LRRC3C: variants seen among roughly 807,000 people sequenced by gnomAD.
The protein encoded by LRRC3C is leucine rich repeat containing 3C.
A neutral mutation model predicts 14.8 loss-of-function variants in LRRC3C; 11 were observed. The observed-to-expected ratio is 0.74, with a 90% CI of 0.47 to 1.23. The LOEUF (loss-of-function observed/expected upper bound fraction) is 1.23, where lower values mean the gene tolerates loss of function less well. Among genes scored for constraint, LRRC3C ranks in the 50% most tolerant of loss-of-function variants. LRRC3C has a pLI of 0.00. For missense variants in LRRC3C, 354 were observed against 361.8 expected (o/e 0.98, Z 0.18); for synonymous variants, 149 against 161.5 (o/e 0.92, Z 0.59).
At position 39,944,035 on chromosome 17, in the gene LRRC3C, C is replaced by T. The variant is rs1408627220; in HGVS notation, c.129C>T (p.Pro43=). ...LLVIGTGGTV[P]SPQVPPRGCY... is the part of the protein sequence containing the mutation. ...TGATAGGCACAGGGGGTACTGTGCC[C>T]AGCCCCCAGGTGCCTCCCCGGGGCT... The change falls in exon 4 of 4, where the codon CCC becomes CCT. Residue 43 remains proline, a synonymous_variant. Coordinates refer to ENST00000377924, the MANE Select transcript of LRRC3C (RefSeq NM_001195545.2). 3.3e-6 allele frequency: 5 copies of T among 1,536,136 alleles called. No individual in the cohort carries two copies. The highest frequency in any genetic ancestry group is 3.5e-6 in the Non-Finnish European group (4 of 1,146,896).
chr17:39,936,950 C>T (rs113486856), intron 2 of LRRC3C, among the ~76,000 whole-genome samples: 7 of 151,466 alleles, frequency 4.6e-5, no homozygotes, highest in African/African-American at 1.7e-4. Flanking sequence ...GGTAAAACCC[C>T]GTCTCTATTA....
rs1300676048 is a variant in LRRC3C at position 39,944,806 on chromosome 17, C to G, written c.*72C>G. On this transcript the variant is annotated 3_prime_UTR_variant, in exon 4 of 4. Transcript: ENST00000377924. ...GCCCTCTCCTTTGCTCTGACCCCCTCTGCCTCCTGTGCAGCTTCACCCCTG... is the reference window on the plus strand; with the variant it reads ...GCCCTCTCCTTTGCTCTGACCCCCTGTGCCTCCTGTGCAGCTTCACCCCTG... The G allele has an allele frequency of 7.1e-7, 1 of 1,402,634 alleles. No individual in the cohort carries two copies. The highest frequency in any genetic ancestry group is 9.6e-7 in the Non-Finnish European group (1 of 1,036,748). The allele number at this position is 1,402,634 out of a possible 1,614,324, so 86.9% of individuals were successfully genotyped here.
chr17:39,932,227 CATG>C (rs1429096342), intron 1 of LRRC3C, among the ~76,000 whole-genome samples: 1 of 152,172 alleles, frequency 6.6e-6, no homozygotes, highest in Non-Finnish European at 1.5e-5. Flanking sequence ...TGGCGATGAT[CATG>C]ATAATACCCT....
At position 39,939,788 on chromosome 17, in the gene LRRC3C, C is replaced by T. The variant is rs1480478383; in HGVS notation, c.-81-1655C>T. On this transcript the variant is annotated intron_variant, in intron 2 of 3. Transcript: ENST00000377924. The stretch of plus-strand genomic sequence containing the variant: ...TTCCCCCCAGATCTCCCTCCTTCAC[C>T]GAGTTTGCACTCAGACTCCCTTAAT... 6.6e-5 allele frequency among the ~76,000 whole-genome samples: 10 copies of T among 152,330 alleles called. No individual in the cohort carries two copies. In the South Asian group the frequency reaches 1.9e-3, roughly 28 times the overall value.
chr17:39,941,134 G>C (rs1978926676), intron 2 of LRRC3C, among the ~76,000 whole-genome samples: 1 of 151,836 alleles, frequency 6.6e-6, no homozygotes. Context: ...TGGATCACTA[G>C]AGGTCGGGAG....
At chr17:39,943,795 C>G (rs1340732685) in intron 3 of LRRC3C, 138 bp from the exon 4 acceptor site, 1 of 746,350 alleles carries the variant, frequency 1.3e-6, no homozygotes, top group Non-Finnish European at 2.1e-6. Context: ...AAAAGTCACC[C>G]AGGCTTGAGA....
chr17:39,927,765 G>T lies in LRRC3C; in HGVS notation c.-224G>T. 1 of 985,514 alleles carries T rather than the reference G, an allele frequency of 1.0e-6. No individual in the cohort carries two copies. The highest frequency in any genetic ancestry group is 1.2e-6 in the Non-Finnish European group (1 of 829,976). 61.0% of individuals were successfully genotyped at this position (985,514 alleles called of 1,614,324 possible). ...TTCCCGGCCTCTTCGGGGACGCACG[G>T]TTGGAAGTTGTACCGTGACGTGATG... On this transcript the variant is annotated 5_prime_UTR_variant, in exon 1 of 4. Transcript: ENST00000377924.
In LRRC3C at chr17:39,927,754, G is replaced by C. The variant is rs1024928040; in HGVS notation, c.-235G>C. On this transcript the variant is annotated 5_prime_UTR_variant, in exon 1 of 4. Coordinates refer to ENST00000377924, the MANE Select transcript of LRRC3C (RefSeq NM_001195545.2). ...CCTGGGCTCCGTTCCCGGCCTCTTC[G>C]GGGACGCACGGTTGGAAGTTGTACC... 1.0e-5 allele frequency: 10 copies of C among 985,486 alleles called. No homozygotes were observed. In the African/African-American group the frequency reaches 1.4e-4, roughly 14 times the overall value. The allele number at this position is 985,486 out of a possible 1,614,324, so 61.0% of individuals were successfully genotyped here. A position where few individuals can be genotyped will look rare whatever the true frequency, so the allele number is the denominator to read the frequency against.
In LRRC3C at chr17:39,944,800, C is replaced by A. The variant is rs1195113010; in HGVS notation, c.*66C>A. The A allele has an allele frequency of 2.1e-6, 3 of 1,428,082 alleles. No individual in the cohort carries two copies. The highest frequency in any genetic ancestry group is 1.3e-5 in the South Asian group (1 of 77,504). 88.5% of individuals were successfully genotyped at this position (1,428,082 alleles called of 1,614,324 possible). ...CCCTATGCCCTCTCCTTTGCTCTGA[C>A]CCCCTCTGCCTCCTGTGCAGCTTCA... On this transcript the variant is annotated 3_prime_UTR_variant, in exon 4 of 4. Coordinates refer to ENST00000377924, the MANE Select transcript of LRRC3C (RefSeq NM_001195545.2).
intron 3 of LRRC3C, among the ~76,000 whole-genome samples, chr17:39,943,132 C>T (rs1978982197): frequency 6.6e-6 from 1 of 152,152 alleles, no homozygotes; most frequent in Admixed American, 6.5e-5. Context: ...GACACCTGGG[C>T]CCAGAGTCAC....
At chr17:39,942,598 A>G (rs1222616372) in intron 3 of LRRC3C, among the ~76,000 whole-genome samples, 1 of 152,192 alleles carries the variant, frequency 6.6e-6, no homozygotes, top group Non-Finnish European at 1.5e-5. Context: ...CTAGAGAAGC[A>G]ATCAATCTAC....
Position 39,944,165 on chromosome 17 carries a change from G to A in LRRC3C, c.259G>A (p.Asp87Asn). 1.3e-6 allele frequency: 2 copies of A among 1,536,240 alleles called. No homozygotes were observed. The highest frequency in any genetic ancestry group is 1.2e-5 in the South Asian group (1 of 84,064). Residue 87 changes from aspartate to asparagine, a missense_variant, in exon 4 of 4, where the codon GAT becomes AAT. By Grantham distance (23) the Asp-to-Asn change is conservative. Transcript: ENST00000377924. ...CAATGACACCCGCAAGCTCTACCTG[G>A]ATGCCAACCAGCTGGCATCGGTGCC... Reference protein sequence around the residue: ...IPNDTRKLYLDANQLASVPAG... With the variant: ...IPNDTRKLYLNANQLASVPAG...
intron 1 of LRRC3C, among the ~76,000 whole-genome samples, chr17:39,933,637 G>A (rs983596874): frequency 2.0e-5 from 3 of 152,168 alleles, no homozygotes; most frequent in Non-Finnish European, 4.4e-5. Context: ...GGAGGCTGAG[G>A]CAGGAGAATG....
At chr17:39,935,034 C>T (rs1978759094) in intron 1 of LRRC3C, among the ~76,000 whole-genome samples, 1 of 152,176 alleles carries the variant, frequency 6.6e-6, no homozygotes, top group East Asian at 1.9e-4. Flanking sequence ...TTACTGCAAC[C>T]TGGTTTATCA....
At chr17:39,931,445 C>CAA (rs58318948) in intron 1 of LRRC3C, among the ~76,000 whole-genome samples, 3,117 of 74,444 alleles carry the variant, frequency 0.042, 165 homozygotes, top group Non-Finnish European at 0.049. Flanking sequence ...GACTTCGTCT[C>CAA]AAAAAAAAAA....
At chr17:39,940,934 G>A (rs1392346747) in intron 2 of LRRC3C, among the ~76,000 whole-genome samples, 1 of 151,988 alleles carries the variant, frequency 6.6e-6, no homozygotes, top group Non-Finnish European at 1.5e-5. Context: ...AGTAGAGATG[G>A]TGTTTCGCCA....
intron 1 of LRRC3C, among the ~76,000 whole-genome samples, chr17:39,933,164 G>A (rs114096474): frequency 0.02 from 3,095 of 152,256 alleles, 125 homozygotes; most frequent in African/African-American, 0.071. Flanking sequence ...CAAACTTCAC[G>A]TAATGTGGTA....
chr17:39,944,287 G>T lies in LRRC3C; in HGVS notation c.381G>T (p.Glu127Asp), dbSNP rs1317804326. ...HLSGAAFQGL[E>D]GTLRHLDLSA... ...CAGGGGCGGCTTTCCAGGGCCTGGA[G>T]GGCACATTGCGCCACCTCGACCTCT... Residue 127 changes from glutamate (E) to aspartate (D), a missense_variant, in exon 4 of 4, where the codon GAG becomes GAT. Glu to Asp is a conservative substitution (Grantham distance 45, BLOSUM62 2). Coordinates refer to ENST00000377924, the MANE Select transcript of LRRC3C (RefSeq NM_001195545.2). 1 of 1,535,350 alleles carries T rather than the reference G, an allele frequency of 6.5e-7. No individual in the cohort carries two copies. Among genetic ancestry groups the T allele is most frequent in the South Asian group, 1.2e-5 (1 of 83,902 alleles).
rs1360844540 is a variant in LRRC3C at position 39,927,813 on chromosome 17, T to A, written c.-176T>A. On this transcript the variant is annotated splice_region_variant and 5_prime_UTR_variant, in exon 1 of 4. It introduces an in-frame stop codon into an upstream open reading frame of the 5' UTR. Transcript: ENST00000377924. ...ATGGTCAGATCGGATGATAGAATTT[T>A]GGTGCGTAACAATTCCAACTTTTGC... is the stretch of plus-strand genomic sequence containing the variant. 5 of 985,424 alleles carry A rather than the reference T, an allele frequency of 5.1e-6. No homozygotes were observed. Among genetic ancestry groups the A allele is most frequent in the Non-Finnish European group, 6.0e-6 (5 of 829,970 alleles). The allele number at this position is 985,424 out of a possible 1,614,324, so 61.0% of individuals were successfully genotyped here.
Sources: gnomAD v4.1 joint callset for allele counts (sites outside exome capture counted in the v4.1 genomes callset) on GRCh38, gnomAD v4.1.1 for gene constraint, MANE v1.5 for transcripts, NCBI Gene and HGNC (gene_info 2026-07-23, HGNC 2026-07-21) for gene names.